The following SCFD2 variants were observed in gnomAD, a reference collection of about 807,000 sequenced individuals.
SCFD2 encodes the protein sec1 family domain containing 2.
In SCFD2, 54 loss-of-function variants were observed where a neutral mutation model predicts 58.9. The observed-to-expected ratio is 0.92, with a 90% CI of 0.74 to 1.15. The LOEUF (loss-of-function observed/expected upper bound fraction) is 1.15. Ranked by LOEUF, SCFD2 falls within the 50% of genes most tolerant of loss-of-function variation. The pLI is 0.00. For synonymous variants in SCFD2, 321 were observed against 335.9 expected (o/e 0.96, Z 0.49); for missense variants, 805 against 836.6 (o/e 0.96, Z 0.47).
intron 3 of SCFD2, among the ~76,000 whole-genome samples, chr4:53,301,350 A>G (rs1309491589): frequency 1.3e-5 from 2 of 152,338 alleles, no homozygotes; most frequent in South Asian, 2.1e-4. Flanking sequence ...GAAAATCTAG[A>G]AGAAATGGAT....
chr4:53,174,116 T>C (rs977311777), intron 4 of SCFD2, among the ~76,000 whole-genome samples: 5 of 151,408 alleles, frequency 3.3e-5, no homozygotes, highest in African/African-American at 1.2e-4. Context: ...AGCAGGAAAA[T>C]AGTAAAATGA....
chr4:53,275,709 T>A (rs1731306677), intron 3 of SCFD2, among the ~76,000 whole-genome samples: 1 of 152,176 alleles, frequency 6.6e-6, no homozygotes, highest in Admixed American at 6.5e-5. Context: ...TGAACCCTTA[T>A]CCGTGTTTAT....
intron 5 of SCFD2, among the ~76,000 whole-genome samples, chr4:53,101,347 G>C (rs925767103): frequency 6.6e-6 from 1 of 152,116 alleles, no homozygotes; most frequent in Admixed American, 6.6e-5. Flanking sequence ...GAGCAACTCA[G>C]AGTTTTCAGA....
intron 4 of SCFD2, among the ~76,000 whole-genome samples, chr4:53,248,426 T>C (rs1730199041): frequency 6.6e-6 from 1 of 152,066 alleles, no homozygotes; most frequent in Non-Finnish European, 1.5e-5. Context: ...CCACCACAGC[T>C]CAAGGAGGCC....
Position 52,920,886 on chromosome 4 carries a change from G to A in SCFD2, c.1562-16C>T. ...GAGTCCCAGTCTGAAAAAATCCAGA[G>A]ATATTTTCTTGAGTGAGTAAATCTT... On this transcript the variant is annotated splice_polypyrimidine_tract_variant and intron_variant, in intron 5 of 8. Coordinates refer to ENST00000401642, the MANE Select transcript of SCFD2 (RefSeq NM_152540.4). 1 of 1,583,428 alleles carries A rather than the reference G, an allele frequency of 6.3e-7. No homozygotes were observed. Among genetic ancestry groups the A allele is most frequent in the South Asian group, 1.1e-5 (1 of 87,282 alleles).
chr4:52,987,193 T>C (rs1410109528), intron 5 of SCFD2, among the ~76,000 whole-genome samples: 1 of 152,064 alleles, frequency 6.6e-6, no homozygotes, highest in Non-Finnish European at 1.5e-5. Flanking sequence ...TGCGCCCAGC[T>C]AATTTTTTGT....
intron 5 of SCFD2, among the ~76,000 whole-genome samples, chr4:53,132,669 T>G (rs1442337638): frequency 1.3e-5 from 2 of 152,292 alleles, no homozygotes; most frequent in East Asian, 3.9e-4. Context: ...GATTTGACAG[T>G]CATTGTTTTG....
At chr4:53,190,541 C>T (rs1181788421) in intron 4 of SCFD2, among the ~76,000 whole-genome samples, 2 of 152,326 alleles carry the variant, frequency 1.3e-5, no homozygotes, top group African/African-American at 4.8e-5. Flanking sequence ...TTGCAAACTA[C>T]TCCACCTCTA....
intron 2 of SCFD2, among the ~76,000 whole-genome samples, chr4:53,316,196 G>T (rs1365528176): frequency 3.3e-5 from 5 of 152,128 alleles, no homozygotes; most frequent in Non-Finnish European, 7.4e-5. Context: ...CTAATTACCA[G>T]CTGACTTATT....
chr4:53,365,805 A>G lies in SCFD2; in HGVS notation c.137T>C (p.Leu46Pro). 1 of 1,613,932 alleles carries G rather than the reference A, an allele frequency of 6.2e-7. No homozygotes were observed. ...ACAGTCAGGACCCCCCACCGCCTCC[A>G]GGAGACGGGTGGATCCGCAGCCCCA... ...LHWGCGSTRL[L>P]EAVGGPDCHL... The change falls in exon 1 of 9, where the codon CTG becomes CCG. Residue 46 changes from leucine to proline, a missense_variant. Around this residue, in one of 3 missense-constraint regions of SCFD2, gnomAD observed 155 missense variants for 149.7 expected, o/e 1.04. Transcript: ENST00000401642. This position sits in a 1 kb window ranked among gnomAD's most constrained non-coding sequence, Gnocchi z 4.3.
At chr4:53,184,289 T>C (rs753277517) in intron 4 of SCFD2, among the ~76,000 whole-genome samples, 1 of 152,024 alleles carries the variant, frequency 6.6e-6, no homozygotes, top group Non-Finnish European at 1.5e-5. Context: ...ATCTTGCCAA[T>C]GGGAGGGTGG....
chr4:53,166,950 T>G (rs1727029934), intron 4 of SCFD2, among the ~76,000 whole-genome samples: 1 of 152,072 alleles, frequency 6.6e-6, no homozygotes, highest in African/African-American at 2.4e-5. Flanking sequence ...ATAGGAGGGA[T>G]AGAGGACCTG....
In SCFD2 at chr4:52,873,166, T is replaced by C. The variant is rs1307159278; in HGVS notation, c.*803A>G. On this transcript the variant is annotated 3_prime_UTR_variant, in exon 9 of 9. Transcript: ENST00000401642. ...ACTTAAACTTACAGAAAAGAAAGCT[T>C]TATATTTCAATCAAAACTCATACCC... 1 of 152,200 alleles carries C rather than the reference T, an allele frequency of 6.6e-6. No homozygotes were observed. The highest frequency in any genetic ancestry group is 1.5e-5 in the Non-Finnish European group (1 of 68,042). 9.4% of individuals were successfully genotyped at this position (152,200 alleles called of 1,614,324 possible). A position where few individuals can be genotyped will look rare whatever the true frequency, so the allele number is the denominator to read the frequency against.
intron 5 of SCFD2, among the ~76,000 whole-genome samples, chr4:53,044,633 C>CT (rs1553872061): frequency 8.8e-4 from 2 of 2,276 alleles, no homozygotes; most frequent in South Asian, 0.045. Flanking sequence ...CCCTCCCTCC[C>CT]TCCTTTTTTC....
chr4:53,114,980 C>A (rs1725279855), intron 5 of SCFD2, among the ~76,000 whole-genome samples: 1 of 151,730 alleles, frequency 6.6e-6, no homozygotes, highest in Non-Finnish European at 1.5e-5. Context: ...CAACACTATA[C>A]AAACAGAAAT....
intron 7 of SCFD2, among the ~76,000 whole-genome samples, chr4:52,902,070 T>A (rs1161662272): frequency 6.6e-6 from 1 of 152,190 alleles, no homozygotes; most frequent in Non-Finnish European, 1.5e-5. Context: ...AGAGCACAGC[T>A]CTTGCTCATT....
At chr4:53,288,175 A>G (rs1385178672) in intron 3 of SCFD2, among the ~76,000 whole-genome samples, 1 of 152,104 alleles carries the variant, frequency 6.6e-6, no homozygotes, top group African/African-American at 2.4e-5. Flanking sequence ...ACTCGAAGAC[A>G]GTTCTTTTGA....
At chr4:53,242,629 G>C (rs1165407137) in intron 4 of SCFD2, among the ~76,000 whole-genome samples, 4 of 152,216 alleles carry the variant, frequency 2.6e-5, no homozygotes, top group Non-Finnish European at 5.9e-5. Flanking sequence ...TAACCAAGGT[G>C]AGATGGCTGA....
intron 5 of SCFD2, among the ~76,000 whole-genome samples, chr4:53,033,517 A>G (rs543846476): frequency 3.9e-5 from 6 of 152,166 alleles, no homozygotes; most frequent in Admixed American, 6.5e-5. Flanking sequence ...TCAAAAAATC[A>G]ATGAATCCAG....
Sources: gnomAD v4.1 joint callset for allele counts (sites outside exome capture counted in the v4.1 genomes callset) on GRCh38, gnomAD v4.1.1 for gene constraint, gnomAD v4.1.1 regional missense constraint, Gnocchi (gnomAD v3.1) non-coding constraint, MANE v1.5 for transcripts, NCBI Gene and HGNC (gene_info 2026-07-23, HGNC 2026-07-21) for gene names.